XKR9: variants seen among roughly 807,000 people sequenced by gnomAD.
XKR9 encodes XK-related protein 9.
Under a neutral mutation model 32.0 loss-of-function variants are expected in XKR9, and 32 were observed. That is an observed-to-expected ratio of 1.00 (90% CI 0.76 to 1.34). XKR9 has a LOEUF of 1.34. Among genes scored for constraint, XKR9 ranks in the 40% most tolerant of loss-of-function variants. XKR9 has a pLI of 0.00. For missense variants in XKR9, 546 were observed against 429.7 expected, an observed-to-expected ratio of 1.27 and a Z score of -2.39; for synonymous variants, 168 against 143.4, an observed-to-expected ratio of 1.17 and a Z score of -1.22.
chr8:70,971,571 C>A, the XKR9 span, among the ~76,000 whole-genome samples: 1 of 152,030 alleles, frequency 6.6e-6, no homozygotes, highest in Non-Finnish European at 1.5e-5. Context: ...CTGATGTTCT[C>A]TTCTAGAATC....
chr8:70,862,133 G>T, the XKR9 span, among the ~76,000 whole-genome samples: 2 of 152,120 alleles, frequency 1.3e-5, no homozygotes, highest in Non-Finnish European at 2.9e-5. Context: ...GCTTCCCCTT[G>T]TCTCCACATG....
chr8:70,759,756 G>C (rs908534301), intron 2 of XKR9, among the ~76,000 whole-genome samples: 1 of 152,144 alleles, frequency 6.6e-6, no homozygotes, highest in Non-Finnish European at 1.5e-5. Flanking sequence ...AAAGTACTCT[G>C]ATTTATGAAC....
chr8:71,002,503 A>C, the XKR9 span, among the ~76,000 whole-genome samples: 1 of 152,010 alleles, frequency 6.6e-6, no homozygotes, highest in Non-Finnish European at 1.5e-5. Flanking sequence ...AAGTAAATTT[A>C]ATTTATATAA....
chr8:70,874,919 A>G, the XKR9 span, among the ~76,000 whole-genome samples: 1 of 152,234 alleles, frequency 6.6e-6, no homozygotes, highest in South Asian at 2.1e-4. Flanking sequence ...AAATGTAAAG[A>G]TTGAGTTTTA....
the XKR9 span, among the ~76,000 whole-genome samples, chr8:71,045,799 T>G: frequency 6.6e-6 from 1 of 152,164 alleles, no homozygotes; most frequent in Non-Finnish European, 1.5e-5. Context: ...TTTGATGTGG[T>G]ATGTGCCTTG....
chr8:71,030,307 C>A, the XKR9 span, among the ~76,000 whole-genome samples: 3 of 152,092 alleles, frequency 2.0e-5, no homozygotes, highest in Non-Finnish European at 2.9e-5. Flanking sequence ...TAGTCCTTTC[C>A]AGTTCACAGT....
chr8:70,857,920 TC>T, the XKR9 span, among the ~76,000 whole-genome samples: 152 of 152,304 alleles, frequency 1.0e-3, 2 homozygotes, highest in African/African-American at 3.4e-3. Context: ...CAACAATGCT[TC>T]ATCCTAAAAA....
At chr8:70,909,171 C>T in the XKR9 span, among the ~76,000 whole-genome samples, 7 of 152,090 alleles carry the variant, frequency 4.6e-5, no homozygotes, top group South Asian at 2.1e-4. Context: ...TGCTTTAAAC[C>T]TTCCAATGGC....
At chr8:70,673,195 G>T (rs902132077) in intron 1 of XKR9, among the ~76,000 whole-genome samples, 1 of 152,080 alleles carries the variant, frequency 6.6e-6, no homozygotes, top group South Asian at 2.1e-4. Context: ...ATAGTTTAAG[G>T]TCTTACGTTT....
At chr8:71,044,637 C>T in the XKR9 span, among the ~76,000 whole-genome samples, 3 of 152,280 alleles carry the variant, frequency 2.0e-5, no homozygotes, top group South Asian at 6.2e-4. Context: ...TTGTATTAAA[C>T]TTTAAAAAAT....
At chr8:70,849,827 A>T in the XKR9 span, among the ~76,000 whole-genome samples, 1 of 152,178 alleles carries the variant, frequency 6.6e-6, no homozygotes, top group Non-Finnish European at 1.5e-5. Context: ...ACCATCAGAG[A>T]ATACTATTAA....
At chr8:70,981,016 C>T in the XKR9 span, among the ~76,000 whole-genome samples, 1 of 152,178 alleles carries the variant, frequency 6.6e-6, no homozygotes, top group African/African-American at 2.4e-5. Flanking sequence ...TGCTGTTAAT[C>T]TGATAGGTTT....
the XKR9 span, among the ~76,000 whole-genome samples, chr8:70,883,667 C>A: frequency 6.6e-6 from 1 of 152,094 alleles, no homozygotes; most frequent in Non-Finnish European, 1.5e-5. Context: ...GCTTCTTTCA[C>A]TTAGCTATAT....
intron 3 of XKR9, among the ~76,000 whole-genome samples, chr8:70,706,528 T>G (rs1388094731): frequency 6.6e-6 from 1 of 152,086 alleles, no homozygotes; most frequent in Non-Finnish European, 1.5e-5. Flanking sequence ...AAAGTAGTGG[T>G]TAATACTAGA....
the XKR9 span, among the ~76,000 whole-genome samples, chr8:70,906,692 C>G: frequency 6.6e-6 from 1 of 152,146 alleles, no homozygotes; most frequent in Non-Finnish European, 1.5e-5. Flanking sequence ...GGTTTTCCAT[C>G]CTTTCTGCAT....
the XKR9 span, among the ~76,000 whole-genome samples, chr8:71,048,790 G>A: frequency 2.6e-5 from 4 of 152,126 alleles, no homozygotes; most frequent in African/African-American, 2.4e-5. Flanking sequence ...TCTGAAGCAC[G>A]GCAATGGGAT....
chr8:70,758,529 C>T (rs1013665456), intron 2 of XKR9, among the ~76,000 whole-genome samples: 3 of 152,234 alleles, frequency 2.0e-5, no homozygotes, highest in Non-Finnish European at 4.4e-5. Context: ...ATAGTTTAGG[C>T]ACCCATTTAA....
At position 70,732,221 on chromosome 8, in the gene XKR9, A is replaced by G. The variant is rs140130330; in HGVS notation, c.494-1575A>G. On this transcript the variant is annotated intron_variant, in intron 4 of 4. Transcript: ENST00000408926. Reference sequence around the variant, plus strand: ...GGGGCTACCGAACCATTTGGGAGAAAGAAGGAGGCATTGGCAACGCCTAGG... The same window carrying G: ...GGGGCTACCGAACCATTTGGGAGAAGGAAGGAGGCATTGGCAACGCCTAGG... Among the ~76,000 whole-genome samples the G allele has an allele frequency of 1.0e-2, 1,518 of 152,326 alleles. 23 individuals are homozygous for G. Among genetic ancestry groups the G allele is most frequent in the African/African-American group, 0.035 (1,436 of 41,568 alleles).
chr8:71,004,791 G>A, the XKR9 span, among the ~76,000 whole-genome samples: 1 of 152,084 alleles, frequency 6.6e-6, no homozygotes, highest in South Asian at 2.1e-4. Flanking sequence ...GGGGAAAAAC[G>A]GTATCTATCA....
Sources: allele counts gnomAD v4.1 joint callset (sites outside exome capture counted in the v4.1 genomes callset), GRCh38; gene constraint gnomAD v4.1.1; transcripts MANE v1.5; gene names NCBI Gene and HGNC (gene_info 2026-07-23, HGNC 2026-07-21).